KCNAB1: variants seen among roughly 807,000 people sequenced by gnomAD.
The protein encoded by KCNAB1 is potassium voltage-gated channel subfamily A regulatory beta subunit 1.
KCNAB1 carries 35 observed loss-of-function variants against 64.6 expected under a neutral mutation model. The observed-to-expected ratio is 0.54, with a 90% CI of 0.41 to 0.72. The LOEUF is 0.72. Ranked by LOEUF, KCNAB1 falls within the 30% of genes least tolerant of loss-of-function variation. The pLI, the probability that KCNAB1 is intolerant of heterozygous loss-of-function variation, is 0.00. For missense variants in KCNAB1, 401 were observed against 512.9 expected, an observed-to-expected ratio of 0.78 and a Z score of 2.11; for synonymous variants, 177 against 183.8, an observed-to-expected ratio of 0.96 and a Z score of 0.30.
intron 1 of KCNAB1, among the ~76,000 whole-genome samples, chr3:156,147,978 C>G (rs1266807355): frequency 6.6e-6 from 1 of 152,088 alleles, no homozygotes; most frequent in African/African-American, 2.4e-5. Flanking sequence ...CACGCACACA[C>G]AAACACACAC....
intron 8 of KCNAB1, among the ~76,000 whole-genome samples, chr3:156,495,075 A>C (rs1715915811): frequency 6.6e-6 from 1 of 152,052 alleles, no homozygotes; most frequent in African/African-American, 2.4e-5. Context: ...CAGTGTGTCC[A>C]TGTGTTCTCA....
At chr3:156,360,238 G>A (rs948185005) in intron 1 of KCNAB1, among the ~76,000 whole-genome samples, 2 of 152,032 alleles carry the variant, frequency 1.3e-5, no homozygotes, top group African/African-American at 4.8e-5. Context: ...CCCAGCTCTG[G>A]GGCTCTAGAT....
At chr3:156,121,295 T>A (rs1713330899) in intron 1 of KCNAB1, among the ~76,000 whole-genome samples, 1 of 152,168 alleles carries the variant, frequency 6.6e-6, no homozygotes, top group Non-Finnish European at 1.5e-5. Context: ...TTGTTTTGCC[T>A]GGTTGAAAAG....
intron 1 of KCNAB1, among the ~76,000 whole-genome samples, chr3:156,289,780 T>C (rs1412153195): frequency 6.6e-6 from 1 of 152,254 alleles, no homozygotes; most frequent in African/African-American, 2.4e-5. Context: ...TGGAATAGAA[T>C]GCAACACAGG....
chr3:156,279,741 GT>G (rs1719577455), intron 1 of KCNAB1, among the ~76,000 whole-genome samples: 1 of 152,122 alleles, frequency 6.6e-6, no homozygotes, highest in Non-Finnish European at 1.5e-5. Context: ...TTTTTCATTT[GT>G]TTTTTGGCTG....
chr3:156,213,602 G>A (rs945769617), intron 1 of KCNAB1, among the ~76,000 whole-genome samples: 2 of 152,146 alleles, frequency 1.3e-5, no homozygotes, highest in Non-Finnish European at 2.9e-5. Context: ...AGCTTCTGGG[G>A]AAAATGAGTG....
At chr3:156,461,976 T>C (rs1195603595) in intron 5 of KCNAB1, among the ~76,000 whole-genome samples, 2 of 152,270 alleles carry the variant, frequency 1.3e-5, no homozygotes, top group Non-Finnish European at 2.9e-5. Flanking sequence ...TACCACTTGC[T>C]AGCTGTGTTA....
intron 1 of KCNAB1, among the ~76,000 whole-genome samples, chr3:156,313,273 C>A (rs1159648734): frequency 6.6e-6 from 1 of 152,122 alleles, no homozygotes; most frequent in Non-Finnish European, 1.5e-5. Flanking sequence ...GTTCTGAAAA[C>A]ATTTCCTCCC....
chr3:156,436,143 C>A (rs965716441), intron 2 of KCNAB1, among the ~76,000 whole-genome samples: 3 of 152,132 alleles, frequency 2.0e-5, no homozygotes, highest in Admixed American at 2.0e-4. Context: ...TTGTTCAACA[C>A]CTACTTATGA....
chr3:156,182,702 T>TTA (rs1712916644), intron 1 of KCNAB1, among the ~76,000 whole-genome samples: 1 of 150,692 alleles, frequency 6.6e-6, no homozygotes, highest in Admixed American at 6.6e-5. Flanking sequence ...ACAATTTTTT[T>TTA]TTTTTTTTTT....
At chr3:156,192,897 T>G (rs529732378) in intron 1 of KCNAB1, among the ~76,000 whole-genome samples, 1 of 152,218 alleles carries the variant, frequency 6.6e-6, no homozygotes, top group African/African-American at 2.4e-5. Flanking sequence ...AGTAGCTCTC[T>G]TGTAGGTGGG....
intron 1 of KCNAB1, among the ~76,000 whole-genome samples, chr3:156,179,327 C>T (rs1412097819): frequency 2.0e-5 from 3 of 151,938 alleles, no homozygotes; most frequent in African/African-American, 7.3e-5. Flanking sequence ...TTATACCTTT[C>T]CTTTCCATTC....
intron 1 of KCNAB1, among the ~76,000 whole-genome samples, chr3:156,125,388 T>C (rs998809327): frequency 6.6e-6 from 1 of 152,200 alleles, no homozygotes; most frequent in Non-Finnish European, 1.5e-5. Flanking sequence ...TAAGAGACCT[T>C]TGTGTGTCCT....
chr3:156,503,003 C>T (rs1305157004), intron 8 of KCNAB1, among the ~76,000 whole-genome samples: 1 of 152,222 alleles, frequency 6.6e-6, no homozygotes, highest in Non-Finnish European at 1.5e-5. Context: ...ATTCATTGCA[C>T]TATTCACAAA....
At chr3:156,415,652 A>G (rs1450534781) in intron 1 of KCNAB1, among the ~76,000 whole-genome samples, 4 of 152,066 alleles carry the variant, frequency 2.6e-5, no homozygotes, top group Non-Finnish European at 5.9e-5. Flanking sequence ...GCTTCTCCAC[A>G]GACACTTTCC....
At chr3:156,293,225 A>G (rs1029513005) in intron 1 of KCNAB1, among the ~76,000 whole-genome samples, 5 of 152,214 alleles carry the variant, frequency 3.3e-5, no homozygotes, top group Non-Finnish European at 5.9e-5. Flanking sequence ...TTATTTCTTT[A>G]AAACTACTGT....
Position 156,457,497 on chromosome 3 carries a change from C to T in KCNAB1, c.402C>T (p.Asn134=). The T allele has an allele frequency of 1.2e-6, 2 of 1,613,872 alleles. No individual in the cohort carries two copies. The highest frequency in any genetic ancestry group is 1.7e-6 in the Non-Finnish European group (2 of 1,179,818). ...CCATCGCCTATGAAAGTGGTGTTAA[C>T]CTCTTTGATACTGCCGAAGTCTATG... is the stretch of plus-strand genomic sequence containing the variant. ...LMTIAYESGV[N]LFDTAEVYAA... is the part of the protein sequence containing the mutation. The change falls in exon 4 of 14, where the codon AAC becomes AAT. Residue 134 remains asparagine, a synonymous_variant. Transcript: ENST00000490337.
At chr3:156,363,039 T>A (rs1725712635) in intron 1 of KCNAB1, among the ~76,000 whole-genome samples, 1 of 152,206 alleles carries the variant, frequency 6.6e-6, no homozygotes. Flanking sequence ...AATGGCTTAG[T>A]GTGATTGGCA....
At chr3:156,372,681 C>T (rs770811403) in intron 1 of KCNAB1, among the ~76,000 whole-genome samples, 3 of 152,094 alleles carry the variant, frequency 2.0e-5, no homozygotes, top group Non-Finnish European at 4.4e-5. Flanking sequence ...CTGGGTTTGC[C>T]AGGTAGAGGA....
Sources: gnomAD v4.1 joint callset for allele counts (sites outside exome capture counted in the v4.1 genomes callset) on GRCh38, gnomAD v4.1.1 for gene constraint, MANE v1.5 for transcripts, NCBI Gene and HGNC (gene_info 2026-07-23, HGNC 2026-07-21) for gene names.